The following ANK2 variants were observed in gnomAD, a reference collection of about 807,000 sequenced individuals.
The protein encoded by ANK2 is ankyrin 2, also known as ankyrin-2.
A neutral mutation model predicts 360.5 loss-of-function variants in ANK2; 83 were observed. The ratio of observed to expected loss-of-function variants is 0.23; its 90% CI spans 0.19 to 0.28. The LOEUF (loss-of-function observed/expected upper bound fraction) is 0.28, where lower values mean the gene tolerates loss of function less well. ANK2 is among the 10% of genes least tolerant of loss of function. The pLI is 1.00. For missense variants in ANK2, 4,201 were observed against 4,795.7 expected (o/e 0.88, Z 3.66); for synonymous variants, 1,740 against 1,759.5 (o/e 0.99, Z 0.28).
At chr4:113,131,429 G>C (rs2096025449) in intron 1 of ANK2, among the ~76,000 whole-genome samples, 1 of 152,164 alleles carries the variant, frequency 6.6e-6, no homozygotes, top group Admixed American at 6.5e-5. Context: ...AATTGTCTGG[G>C]AATAGGCTGC....
Position 112,932,063 on chromosome 4 carries a change from C to A in ANK2, c.21+27549C>A, listed in dbSNP as rs563130322. On this transcript the variant is annotated intron_variant, in intron 2 of 30. Transcript: ENST00000503271. ...GTGTTAACTTGTGGTGTACTAAGTGCAAGAGACAGCCTTTAGCCCGAAGAT... is the reference window on the plus strand; with the variant it reads ...GTGTTAACTTGTGGTGTACTAAGTGAAAGAGACAGCCTTTAGCCCGAAGAT... 2.0e-5 allele frequency among the ~76,000 whole-genome samples: 3 copies of A among 152,242 alleles called. No homozygotes were observed. In the South Asian group the frequency reaches 6.2e-4, roughly 32 times the overall value.
At position 113,373,191 on chromosome 4, in the gene ANK2, C is replaced by T; in HGVS notation, c.11694+18C>T. 1 of 1,612,072 alleles carries T rather than the reference C, an allele frequency of 6.2e-7. No individual in the cohort carries two copies. The highest frequency in any genetic ancestry group is 1.1e-5 in the South Asian group (1 of 91,048). On this transcript the variant is annotated intron_variant, in intron 44 of 45. Coordinates refer to ENST00000357077, the MANE Select transcript of ANK2 (RefSeq NM_001148.6). ...TAAAGAAGGTATTGTCTAGTATATC[C>T]TAACAGGGTTGATTACAAACTTCCT... is the stretch of plus-strand genomic sequence containing the variant.
the ANK2 span, among the ~76,000 whole-genome samples, chr4:112,713,330 A>G: frequency 1.3e-5 from 2 of 151,994 alleles, no homozygotes; most frequent in African/African-American, 4.8e-5. Flanking sequence ...AACACTTTGG[A>G]AGGCCGAGGT....
At chr4:113,293,117 G>A (rs1315371313) in intron 21 of ANK2, 19 of 418,422 alleles carry the variant, frequency 4.5e-5, no homozygotes, top group Admixed American at 2.2e-4. Flanking sequence ...AACAGGTTTT[G>A]GAGACGTCAT....
rs746288014 is a variant in ANK2, at chr4:113,353,137, G to A, written c.4519G>A (p.Val1507Ile). 10 of 1,614,044 alleles carry A rather than the reference G, an allele frequency of 6.2e-6. No homozygotes were observed. The highest frequency in any genetic ancestry group is 2.7e-5 in the African/African-American group (2 of 75,030). ...VLASPDLLSE[V>I]SEMKQDLIKM... ...AGCAAGTCCGGACTTGCTCTCTGAA[G>A]TTTCTGAGATGAAACAAGATTTGAT... Residue 1507 changes from valine (V) to isoleucine (I), a missense_variant, in exon 38 of 46, where the codon GTT (valine) becomes ATT (isoleucine). Val to Ile is a conservative substitution (Grantham distance 29, BLOSUM62 3). Transcript: ENST00000357077.
intron 39 of ANK2, among the ~76,000 whole-genome samples, chr4:113,361,480 CTA>C (rs1315245975): frequency 6.7e-6 from 1 of 149,530 alleles, no homozygotes; most frequent in Non-Finnish European, 1.5e-5. Context: ...GTTTTAAAAA[CTA>C]TACATTTTCA....
At chr4:113,240,029 T>C (rs1463777065) in intron 7 of ANK2, among the ~76,000 whole-genome samples, 2 of 152,186 alleles carry the variant, frequency 1.3e-5, no homozygotes, top group African/African-American at 4.8e-5. Flanking sequence ...TCCAAAAGTA[T>C]AATGTCAACA....
chr4:113,024,413 A>T (rs1160156809), intron 2 of ANK2, among the ~76,000 whole-genome samples: 3 of 152,166 alleles, frequency 2.0e-5, no homozygotes, highest in Non-Finnish European at 4.4e-5. Context: ...TGTCAATTTG[A>T]CTGAGAGAAA....
chr4:112,906,872 A>G (rs962459455), intron 2 of ANK2, among the ~76,000 whole-genome samples: 1 of 152,212 alleles, frequency 6.6e-6, no homozygotes, highest in Non-Finnish European at 1.5e-5. Context: ...CCTTAAATTT[A>G]TAAGTGTATT....
intron 18 of ANK2, among the ~76,000 whole-genome samples, chr4:113,284,167 A>G (rs377105454): frequency 4.4e-4 from 67 of 152,346 alleles, no homozygotes; most frequent in African/African-American, 1.4e-3. Context: ...AAAGCCTTAT[A>G]GTGAAATTCC....
chr4:112,730,252 CAAAAAAAAAAA>C, the ANK2 span, among the ~76,000 whole-genome samples: 1 of 50,900 alleles, frequency 2.0e-5, no homozygotes, highest in South Asian at 9.0e-4. Flanking sequence ...GACTCTGTCT[CAAAAAAAAAAA>C]AAAAAAAAAA....
chr4:112,959,903 A>G (rs931796337), intron 2 of ANK2, among the ~76,000 whole-genome samples: 6 of 152,176 alleles, frequency 3.9e-5, no homozygotes, highest in African/African-American at 7.2e-5. Context: ...ACTGTCCACA[A>G]TGACAAAACG....
At chr4:113,179,310 A>G (rs950401446) in intron 2 of ANK2, among the ~76,000 whole-genome samples, 2 of 152,226 alleles carry the variant, frequency 1.3e-5, no homozygotes, top group African/African-American at 4.8e-5. Context: ...GCATTTCTCA[A>G]TGAAAGGCAA....
At chr4:112,991,204 C>T (rs6835538) in intron 2 of ANK2, among the ~76,000 whole-genome samples, 109,765 of 148,164 alleles carry the variant, frequency 0.74, 40,862 homozygotes, top group East Asian at 0.85. Flanking sequence ...GCCGTGATTG[C>T]GCCACTGCAT....
intron 26 of ANK2, among the ~76,000 whole-genome samples, chr4:113,322,455 AT>A (rs1177954145): frequency 6.6e-6 from 1 of 152,256 alleles, no homozygotes; most frequent in African/African-American, 2.4e-5. Context: ...TTGGGCAAGA[AT>A]TTTAATTTTA....
chr4:113,328,049 T>C (rs2090911591), intron 26 of ANK2, among the ~76,000 whole-genome samples: 1 of 152,194 alleles, frequency 6.6e-6, no homozygotes. Context: ...TGTTCTTCCA[T>C]CGAGGCTCCA....
At chr4:113,016,701 T>G (rs1435943342) in intron 2 of ANK2, among the ~76,000 whole-genome samples, 1 of 152,052 alleles carries the variant, frequency 6.6e-6, no homozygotes, top group East Asian at 1.9e-4. Context: ...GGAATGAAAA[T>G]AGACAATAGG....
the ANK2 span, among the ~76,000 whole-genome samples, chr4:112,778,679 A>G: frequency 6.6e-6 from 1 of 152,132 alleles, no homozygotes. Flanking sequence ...GTCAATTCGA[A>G]CCAATCGCTG....
the ANK2 span, among the ~76,000 whole-genome samples, chr4:112,751,968 A>G: frequency 4.6e-5 from 7 of 152,182 alleles, no homozygotes; most frequent in African/African-American, 1.4e-4. Context: ...AAGAATAGGG[A>G]GAAAATAGCT....
Sources: allele counts gnomAD v4.1 joint callset (sites outside exome capture counted in the v4.1 genomes callset), GRCh38; gene constraint gnomAD v4.1.1; transcripts MANE v1.5; gene names NCBI Gene and HGNC (gene_info 2026-07-23, HGNC 2026-07-21).